Variants in DGKI observed in about 807,000 individuals in gnomAD.
DGKI encodes DAG kinase iota.
In DGKI, 55 loss-of-function variants were observed where a neutral mutation model predicts 147.5. That is an observed-to-expected ratio of 0.37 (90% CI 0.30 to 0.47). The LOEUF (loss-of-function observed/expected upper bound fraction) is 0.47, where lower values mean the gene tolerates loss of function less well. DGKI is among the 20% of genes least tolerant of loss of function. DGKI has a pLI of 1.00. For synonymous variants in DGKI, 469 were observed against 477.1 expected (o/e 0.98, Z 0.22); for missense variants, 1,007 against 1,323.8 (o/e 0.76, Z 3.71).
chr7:137,655,928 C>A (rs1822202155), intron 4 of DGKI, among the ~76,000 whole-genome samples: 2 of 152,214 alleles, frequency 1.3e-5, no homozygotes, highest in Non-Finnish European at 2.9e-5. Context: ...TCCACTGATT[C>A]TGGAGGCACA....
intron 21 of DGKI, among the ~76,000 whole-genome samples, chr7:137,513,592 G>A (rs1363618843): frequency 2.0e-5 from 3 of 152,140 alleles, no homozygotes; most frequent in Non-Finnish European, 4.4e-5. Context: ...GTCGTTAGGT[G>A]ATTTCTTCAT....
At chr7:137,545,398 T>C (rs1377375072) in intron 20 of DGKI, among the ~76,000 whole-genome samples, 1 of 152,178 alleles carries the variant, frequency 6.6e-6, no homozygotes, top group Non-Finnish European at 1.5e-5. Context: ...AACTCCTAAA[T>C]ATACATAAAA....
intron 24 of DGKI, 57 bp downstream of exon 24, chr7:137,469,493 G>A (rs1814795929): frequency 1.3e-6 from 2 of 1,558,986 alleles, no homozygotes; most frequent in Non-Finnish European, 1.8e-6. Context: ...ATCAATTGAT[G>A]CCTTGCTCTT....
chr7:137,674,682 GT>G (rs1192600885), intron 3 of DGKI, among the ~76,000 whole-genome samples: 1 of 152,006 alleles, frequency 6.6e-6, no homozygotes, highest in Non-Finnish European at 1.5e-5. Context: ...TTGCCACCTC[GT>G]TTGTACAGAG....
At chr7:137,828,848 T>TGAA (rs1319396555) in intron 1 of DGKI, among the ~76,000 whole-genome samples, 26 of 152,340 alleles carry the variant, frequency 1.7e-4, no homozygotes, top group African/African-American at 6.0e-4. Context: ...AATAAATATT[T>TGAA]ATTTAACATG....
intron 1 of DGKI, among the ~76,000 whole-genome samples, chr7:137,712,742 CCAACAG>C (rs1198346154): frequency 1.3e-5 from 2 of 152,124 alleles, no homozygotes; most frequent in Admixed American, 6.5e-5. Context: ...TCATTTTATT[CCAACAG>C]CAACAAGTTA....
chr7:137,663,231 G>A (rs1822508317), intron 3 of DGKI, among the ~76,000 whole-genome samples: 1 of 152,156 alleles, frequency 6.6e-6, no homozygotes, highest in Non-Finnish European at 1.5e-5. Flanking sequence ...GCAAGAGCTG[G>A]CAAGCTACTT....
intron 15 of DGKI, 137 bp from the exon 16 acceptor site, chr7:137,578,462 C>T: frequency 1.5e-6 from 1 of 662,984 alleles, no homozygotes; most frequent in South Asian, 1.8e-5. Flanking sequence ...TCATCTTTCC[C>T]CCAGTTCCAG....
rs60078498 is a variant in DGKI at position 137,672,766 on chromosome 7, C to CTTTTTTTTTTTT, written c.606+5779_606+5790dup. ...TCTCTGTGTGTGTGTCTCTGTGTGT[C>CTTTTTTTTTTTT]TTTTTTTTTTTTTTTTTTTTTTTTT... is the stretch of plus-strand genomic sequence containing the variant. On this transcript the variant is annotated intron_variant, in intron 3 of 32. Coordinates refer to ENST00000614521, the MANE Select transcript of DGKI (RefSeq NM_001321708.2). 1.8e-4 allele frequency among the ~76,000 whole-genome samples: 12 copies of CTTTTTTTTTTTT among 65,664 alleles called. 1 individual carries two copies. Among genetic ancestry groups the CTTTTTTTTTTTT allele is most frequent in the African/African-American group, 7.2e-4 (10 of 13,860 alleles). 43.1% of individuals were successfully genotyped at this position (65,664 alleles called of 152,430 possible). A position where few individuals can be genotyped will look rare whatever the true frequency, so the allele number is the denominator to read the frequency against.
intron 20 of DGKI, among the ~76,000 whole-genome samples, chr7:137,543,760 A>G (rs1220373189): frequency 2.6e-5 from 4 of 152,210 alleles, no homozygotes; most frequent in Non-Finnish European, 5.9e-5. Context: ...ACAGGACCAA[A>G]GCAATGTTAC....
chr7:137,625,840 C>A (rs1311382420), intron 6 of DGKI, among the ~76,000 whole-genome samples: 2 of 152,132 alleles, frequency 1.3e-5, no homozygotes, highest in African/African-American at 2.4e-5. Context: ...AATGCAGAGA[C>A]CTGCATACCT....
intron 2 of DGKI, among the ~76,000 whole-genome samples, chr7:137,687,409 A>G (rs1823456019): frequency 6.6e-6 from 1 of 152,254 alleles, no homozygotes; most frequent in African/African-American, 2.4e-5. Context: ...CTAATGGTAG[A>G]AGATGAGGGA....
At chr7:137,723,376 C>T (rs1187218607) in intron 1 of DGKI, among the ~76,000 whole-genome samples, 1 of 152,216 alleles carries the variant, frequency 6.6e-6, no homozygotes, top group Non-Finnish European at 1.5e-5. Flanking sequence ...ACTGGGCAGA[C>T]TCACTGTTGT....
rs1811105736 is a variant in DGKI at position 137,383,427 on chromosome 7, A to C, written c.*7793T>G. On this transcript the variant is annotated 3_prime_UTR_variant, in exon 33 of 33. Transcript: ENST00000614521. Reference sequence around the variant, plus strand: ...GCAATGATGGAAGCTTTTTTAAAAAATGCCTTCATTGCTATCTAGTTGGCA... The same window carrying C: ...GCAATGATGGAAGCTTTTTTAAAAACTGCCTTCATTGCTATCTAGTTGGCA... 1.3e-5 allele frequency: 2 copies of C among 151,806 alleles called. No individual in the cohort carries two copies. The highest frequency in any genetic ancestry group is 2.9e-5 in the Non-Finnish European group (2 of 67,874). 9.4% of individuals were successfully genotyped at this position (151,806 alleles called of 1,614,324 possible). A position where few individuals can be genotyped will look rare whatever the true frequency, so the allele number is the denominator to read the frequency against.
chr7:137,631,497 T>C (rs1459663823), intron 6 of DGKI, among the ~76,000 whole-genome samples: 1 of 151,448 alleles, frequency 6.6e-6, no homozygotes, highest in African/African-American at 2.4e-5. Flanking sequence ...CTGCTAAGAG[T>C]GAAAAAAACT....
intron 21 of DGKI, among the ~76,000 whole-genome samples, chr7:137,504,410 A>G (rs1816293931): frequency 6.6e-6 from 1 of 152,210 alleles, no homozygotes; most frequent in Non-Finnish European, 1.5e-5. Context: ...GCTTCTCAGA[A>G]ACCACTGTGT....
chr7:137,465,905 C>T lies in DGKI; in HGVS notation c.2612+3G>A. The T allele has an allele frequency of 1.2e-6, 2 of 1,613,428 alleles. No homozygotes were observed. The highest frequency in any genetic ancestry group is 1.7e-4 in the Middle Eastern group (1 of 5,852). On this transcript the variant is annotated splice_donor_region_variant and intron_variant, in intron 26 of 32. Coordinates refer to ENST00000614521, the MANE Select transcript of DGKI (RefSeq NM_001321708.2). ...CCTCACAGGCCAGGAGAAGCACACT[C>T]ACCCCGAGGCTTGTTCCACCACCAG... is the stretch of plus-strand genomic sequence containing the variant.
At chr7:137,565,639 G>C (rs1027004336) in intron 19 of DGKI, among the ~76,000 whole-genome samples, 1 of 152,110 alleles carries the variant, frequency 6.6e-6, no homozygotes, top group African/African-American at 2.4e-5. Context: ...ATACTGAATG[G>C]CAAATTAGGT....
intron 6 of DGKI, among the ~76,000 whole-genome samples, chr7:137,640,558 G>T (rs145142260): frequency 1.1e-4 from 16 of 152,160 alleles, no homozygotes; most frequent in African/African-American, 3.6e-4. Context: ...ACCCTTAAAC[G>T]TCCCTTCCTT....
Sources: allele counts gnomAD v4.1 joint callset (sites outside exome capture counted in the v4.1 genomes callset), GRCh38; gene constraint gnomAD v4.1.1; transcripts MANE v1.5; gene names NCBI Gene and HGNC (gene_info 2026-07-23, HGNC 2026-07-21).